Variants in GALNT15 observed in about 807,000 individuals in gnomAD.
GALNT15 encodes UDP-GalNAc transferase T15.
A neutral mutation model predicts 66.8 loss-of-function variants in GALNT15; 67 were observed. That is an observed-to-expected ratio of 1.00 (90% CI 0.82 to 1.23). The LOEUF is 1.23. Among genes scored for constraint, GALNT15 ranks in the 50% most tolerant of loss-of-function variants. GALNT15 has a pLI of 0.00. For synonymous variants in GALNT15, 313 were observed against 311.5 expected (o/e 1.00, Z -0.05); for missense variants, 827 against 804.3 (o/e 1.03, Z -0.34).
chr3:16,201,967 C>T (rs2063708089), intron 3 of GALNT15, among the ~76,000 whole-genome samples: 1 of 152,132 alleles, frequency 6.6e-6, no homozygotes, highest in Admixed American at 6.5e-5. Flanking sequence ...TGATGGTGCC[C>T]AGCAAGACAG....
In GALNT15 at chr3:16,176,489, T is replaced by G. The variant is rs2063411356; in HGVS notation, c.539+799T>G. Reference sequence around the variant, plus strand: ...CCAGTGCCTGAGAGCCAGAATACTGTGCTGACTGCAATTTACCCTGCCAGG... The same window carrying G: ...CCAGTGCCTGAGAGCCAGAATACTGGGCTGACTGCAATTTACCCTGCCAGG... On this transcript the variant is annotated intron_variant, in intron 1 of 9. Transcript: ENST00000339732. This position sits in a 1 kb window ranked among gnomAD's most constrained non-coding sequence, Gnocchi z 5.6. Among the ~76,000 whole-genome samples the G allele has an allele frequency of 6.6e-6, 1 of 152,204 alleles. No homozygotes were observed. Among genetic ancestry groups the G allele is most frequent in the Non-Finnish European group, 1.5e-5 (1 of 68,028 alleles).
At chr3:16,199,886 G>A (rs2730358) in intron 2 of GALNT15, among the ~76,000 whole-genome samples, 15,853 of 152,218 alleles carry the variant, frequency 0.1, 1,166 homozygotes, top group Non-Finnish European at 0.16. Context: ...ACCCACAGCA[G>A]CTGGGGACAT....
intron 3 of GALNT15, among the ~76,000 whole-genome samples, chr3:16,201,118 C>A (rs945074893): frequency 2.0e-5 from 3 of 152,132 alleles, no homozygotes; most frequent in Admixed American, 1.3e-4. Flanking sequence ...ACGAGGGTAA[C>A]ACCTTACCAT....
downstream of GALNT15, among the ~76,000 whole-genome samples, chr3:16,230,500 T>G (rs540150919): frequency 2.0e-5 from 3 of 152,142 alleles, no homozygotes; most frequent in Non-Finnish European, 4.4e-5. This position sits in a 1 kb window ranked among gnomAD's most constrained non-coding sequence, Gnocchi z 4.5. Context: ...AAAAAGCCAG[T>G]TGGACACCAA....
the GALNT15 span, chr3:16,244,120 C>T: frequency 4.4e-5 from 22 of 504,794 alleles, no homozygotes; most frequent in Non-Finnish European, 5.6e-5. Flanking sequence ...CGATAGGACT[C>T]TTCTATCTCC....
At chr3:16,202,591 C>T (rs1488729180) in intron 3 of GALNT15, among the ~76,000 whole-genome samples, 1 of 152,236 alleles carries the variant, frequency 6.6e-6, no homozygotes, top group Admixed American at 6.5e-5. Flanking sequence ...CAAGATCGTG[C>T]TACTGCACTC....
intron 3 of GALNT15, among the ~76,000 whole-genome samples, chr3:16,201,508 G>A (rs2063703325): frequency 6.6e-6 from 1 of 152,128 alleles, no homozygotes; most frequent in African/African-American, 2.4e-5. Context: ...AATCAAGCTT[G>A]TAACATAACC....
Position 16,183,005 on chromosome 3 carries a change from C to T in GALNT15, c.539+7315C>T, listed in dbSNP as rs995264261. 2 of 152,292 alleles carry T rather than the reference C, an allele frequency of 1.3e-5. No homozygotes were observed. The highest frequency in any genetic ancestry group is 2.4e-5 in the African/African-American group (1 of 41,454). 9.4% of individuals were successfully genotyped at this position (152,292 alleles called of 1,614,324 possible). A position where few individuals can be genotyped will look rare whatever the true frequency, so the allele number is the denominator to read the frequency against. ...GGCCGCTAGCCTGGGGAGGCTGTCC[C>T]TGTTAGGTGGAACTATGGCTCCAAG... On this transcript the variant is annotated intron_variant, in intron 1 of 9. Coordinates refer to ENST00000339732, the MANE Select transcript of GALNT15 (RefSeq NM_054110.5). This position sits in a 1 kb window ranked among gnomAD's most constrained non-coding sequence, Gnocchi z 5.2.
chr3:16,201,330 C>T lies in GALNT15; in HGVS notation c.911+507C>T, dbSNP rs192708982. Among the ~76,000 whole-genome samples the T allele has an allele frequency of 3.4e-3, 523 of 152,026 alleles. 2 individuals are homozygous for T. The highest frequency in any genetic ancestry group is 0.021 in the Middle Eastern group (6 of 292). On this transcript the variant is annotated intron_variant, in intron 3 of 9. Transcript: ENST00000339732. ...CCGAGTAGCTGGGACTACAGGCGCC[C>T]GCCACCACACCCGGCTAATTTTTTG...
In GALNT15 at chr3:16,175,928, G is replaced by A. The variant is rs1180039528; in HGVS notation, c.539+238G>A. Among the ~76,000 whole-genome samples, 5 of 152,200 alleles carry A rather than the reference G, an allele frequency of 3.3e-5. No individual in the cohort carries two copies. The East Asian group carries it at 7.7e-4, about 23-fold the overall frequency. On this transcript the variant is annotated intron_variant, in intron 1 of 9. Transcript: ENST00000339732. The surrounding 1 kb of genome is among the most constrained non-coding windows in gnomAD (Gnocchi z 5.6). ...CAAGAAACTCTGGGTGGGGTCCAGT[G>A]GTCTGTATGAACAAGCCCTTCAGGT...
In GALNT15 at chr3:16,195,159, G is replaced by A. The variant is rs899408157; in HGVS notation, c.540-601G>A. ...CCTATCCAAGCCTCACCACAGCCTC[G>A]GGGAGTCCTGATCTTCCCAGAAGGC... On this transcript the variant is annotated intron_variant, in intron 1 of 9. Transcript: ENST00000339732. The surrounding 1 kb of genome is among the most constrained non-coding windows in gnomAD (Gnocchi z 4.6). Among the ~76,000 whole-genome samples, 35 of 152,166 alleles carry A rather than the reference G, an allele frequency of 2.3e-4. No individual in the cohort carries two copies. The highest frequency in any genetic ancestry group is 1.4e-3 in the Admixed American group (22 of 15,282).
rs1006816725 is a variant in GALNT15 at position 16,220,934 on chromosome 3, C to G, written c.1629+920C>G. 1.5e-4 allele frequency among the ~76,000 whole-genome samples: 23 copies of G among 152,300 alleles called. 1 individual carries two copies. Among genetic ancestry groups the G allele is most frequent in the African/African-American group, 5.5e-4 (23 of 41,554 alleles). Reference sequence around the variant, plus strand: ...TCTGCCCTTTACCAATCTCCTAGGACATACTGATAGGCATTCACACCTGGC... The same window carrying G: ...TCTGCCCTTTACCAATCTCCTAGGAGATACTGATAGGCATTCACACCTGGC... On this transcript the variant is annotated intron_variant, in intron 8 of 9. Transcript: ENST00000339732.
chr3:16,175,646 C>T lies in GALNT15; in HGVS notation c.495C>T (p.Ala165=). Residue 165 remains alanine, a synonymous_variant, in exon 1 of 10, where the codon GCC becomes GCT. Transcript: ENST00000339732. The surrounding 1 kb of genome is among the most constrained non-coding windows in gnomAD (Gnocchi z 5.6). ...GTGGCCTCCAGGAGGCACTCAGTGC[C>T]CGCATCCCCCTCCAGAGGGCTCTGC... ...DPRGLQEALS[A]RIPLQRALPE... is the part of the protein sequence containing the mutation. 1 of 1,611,152 alleles carries T rather than the reference C, an allele frequency of 6.2e-7. No homozygotes were observed. Among genetic ancestry groups the T allele is most frequent in the Non-Finnish European group, 8.5e-7 (1 of 1,178,966 alleles).
At chr3:16,196,663 AT>A (rs1345301365) in intron 2 of GALNT15, among the ~76,000 whole-genome samples, 1 of 152,154 alleles carries the variant, frequency 6.6e-6, no homozygotes, top group Non-Finnish European at 1.5e-5. Flanking sequence ...GTTTCTGGTG[AT>A]GGAGTGGGGC....
Position 16,193,767 on chromosome 3 carries a change from G to A in GALNT15, c.540-1993G>A, listed in dbSNP as rs1419876513. On this transcript the variant is annotated intron_variant, in intron 1 of 9. Transcript: ENST00000339732. The surrounding 1 kb of genome is among the most constrained non-coding windows in gnomAD (Gnocchi z 4.7). The stretch of plus-strand genomic sequence containing the variant: ...TCACAGATTCCTTTAGGTGTCCGAA[G>A]TTTGGGGTCCTTGAGATGGCTCCTA... Among the ~76,000 whole-genome samples the A allele has an allele frequency of 6.6e-6, 1 of 152,218 alleles. No individual in the cohort carries two copies. Among genetic ancestry groups the A allele is most frequent in the African/African-American group, 2.4e-5 (1 of 41,452 alleles).
chr3:16,201,038 TA>T (rs1429608417), intron 3 of GALNT15, among the ~76,000 whole-genome samples: 1 of 152,202 alleles, frequency 6.6e-6, no homozygotes, highest in Non-Finnish European at 1.5e-5. Flanking sequence ...GCTTTATAGA[TA>T]AAGAAACCGA....
In GALNT15 at chr3:16,175,092, C is replaced by A. The variant is rs1170471738; in HGVS notation, c.-60C>A. On this transcript the variant is annotated 5_prime_UTR_variant, in exon 1 of 10. Transcript: ENST00000339732. This position sits in a 1 kb window ranked among gnomAD's most constrained non-coding sequence, Gnocchi z 5.6. The stretch of plus-strand genomic sequence containing the variant: ...AGGTTCTGCTGCAAGCTTGAAGGAG[C>A]CTGGAGCGGGAGAAAGCTAACTTGA... 13 of 1,520,452 alleles carry A rather than the reference C, an allele frequency of 8.6e-6. No individual in the cohort carries two copies. The highest frequency in any genetic ancestry group is 1.8e-5 in the Admixed American group (1 of 55,788). 94.2% of individuals were successfully genotyped at this position (1,520,452 alleles called of 1,614,324 possible). A position where few individuals can be genotyped will look rare whatever the true frequency, so the allele number is the denominator to read the frequency against.
chr3:16,224,592 A>G lies in GALNT15; in HGVS notation c.1773+1834A>G, dbSNP rs1395475508. Among the ~76,000 whole-genome samples the G allele has an allele frequency of 1.3e-5, 2 of 152,020 alleles. No homozygotes were observed. The highest frequency in any genetic ancestry group is 2.9e-5 in the Non-Finnish European group (2 of 68,016). ...AAAAAGTTCTGGATATCTGTTTCAT[A>G]ACAATGTGAATATATTTAACACTAT... On this transcript the variant is annotated intron_variant, in intron 9 of 9. Coordinates refer to ENST00000339732, the MANE Select transcript of GALNT15 (RefSeq NM_054110.5). This position sits in a 1 kb window ranked among gnomAD's most constrained non-coding sequence, Gnocchi z 5.2.
At chr3:16,226,458 A>G (rs975398962) in intron 9 of GALNT15, among the ~76,000 whole-genome samples, 1 of 152,198 alleles carries the variant, frequency 6.6e-6, no homozygotes, top group African/African-American at 2.4e-5. Flanking sequence ...AGCATGGCTG[A>G]GGAGGCCTCA....
Sources: allele counts gnomAD v4.1 joint callset (sites outside exome capture counted in the v4.1 genomes callset), GRCh38; gene constraint gnomAD v4.1.1; non-coding constraint Gnocchi (gnomAD v3.1); transcripts MANE v1.5; gene names NCBI Gene and HGNC (gene_info 2026-07-23, HGNC 2026-07-21).